HMGCLL1: variants seen among roughly 807,000 people sequenced by gnomAD.
The protein encoded by HMGCLL1 is 3-hydroxymethyl-3-methylglutaryl-CoA lyase, cytoplasmic.
Under a neutral mutation model 39.1 loss-of-function variants are expected in HMGCLL1, and 36 were observed. The ratio of observed to expected loss-of-function variants is 0.92; its 90% CI spans 0.71 to 1.22. HMGCLL1 has a LOEUF of 1.22. HMGCLL1 is among the 50% of genes most tolerant of loss of function. The probability of loss-of-function intolerance (pLI) is 0.00; values close to 1 mark genes in which losing one functional copy is unlikely to be tolerated. For synonymous variants in HMGCLL1, 149 were observed against 144.0 expected (o/e 1.03, Z -0.25); for missense variants, 451 against 416.5 (o/e 1.08, Z -0.72).
chr6:55,575,799 G>A (rs2127479102), intron 1 of HMGCLL1, among the ~76,000 whole-genome samples: 1 of 152,212 alleles, frequency 6.6e-6, no homozygotes, highest in South Asian at 2.1e-4. Context: ...TCATCGATTG[G>A]TGCTAAGATC....
chr6:55,459,710 T>C, intron 7 of HMGCLL1, among the ~76,000 whole-genome samples: 1 of 152,038 alleles, frequency 6.6e-6, no homozygotes. Flanking sequence ...ATGCAGTAAA[T>C]TGAGATGTAT....
the HMGCLL1 span, among the ~76,000 whole-genome samples, chr6:55,607,213 T>TA: frequency 2.6e-5 from 4 of 152,084 alleles, no homozygotes; most frequent in African/African-American, 9.7e-5. Flanking sequence ...TTTTTCCTGT[T>TA]AAAAAAAGTT....
At chr6:55,631,908 A>G in the HMGCLL1 span, among the ~76,000 whole-genome samples, 2 of 152,150 alleles carry the variant, frequency 1.3e-5, no homozygotes, top group African/African-American at 4.8e-5. Flanking sequence ...TAAAGGTAAA[A>G]GGCACAGCAC....
At chr6:55,462,342 C>T (rs1764607661) in intron 7 of HMGCLL1, among the ~76,000 whole-genome samples, 1 of 152,092 alleles carries the variant, frequency 6.6e-6, no homozygotes, top group African/African-American at 2.4e-5. Context: ...CCTATGCTCA[C>T]CATGTATGCT....
intron 3 of HMGCLL1, among the ~76,000 whole-genome samples, chr6:55,540,027 A>G (rs1457786329): frequency 5.0e-5 from 1 of 19,946 alleles, no homozygotes; most frequent in Non-Finnish European, 9.3e-5. Flanking sequence ...GGAGGGAGGG[A>G]GGGAGGGAGG....
chr6:55,525,878 C>T (rs1458719919), intron 3 of HMGCLL1, among the ~76,000 whole-genome samples: 1 of 151,832 alleles, frequency 6.6e-6, no homozygotes, highest in African/African-American at 2.4e-5. Flanking sequence ...CACATAGACC[C>T]TACAAAACAG....
Position 55,496,944 on chromosome 6 carries a change from T to C in HMGCLL1, c.607-1337A>G, listed in dbSNP as rs118047530. The stretch of plus-strand genomic sequence containing the variant: ...GAGTGTGGTGTCCCTAACCTCCAAA[T>C]TGTTCATGGATCAACTATATTAAGT... On this transcript the variant is annotated intron_variant, in intron 6 of 8. Coordinates refer to ENST00000274901, the MANE Select transcript of HMGCLL1 (RefSeq NM_001042406.2). Among the ~76,000 whole-genome samples, 55 of 152,298 alleles carry C rather than the reference T, an allele frequency of 3.6e-4. No homozygotes were observed. In the East Asian group the frequency reaches 5.4e-3, roughly 15 times the overall value.
Position 55,561,969 on chromosome 6 carries a change from A to G in HMGCLL1, c.108+16979T>C, listed in dbSNP as rs556441568. On this transcript the variant is annotated intron_variant, in intron 1 of 8. Coordinates refer to ENST00000274901, the MANE Select transcript of HMGCLL1 (RefSeq NM_001042406.2). ...AAATGTTCTCAAACAAGTCTATAAA[A>G]TTTCCTTACAAAATTCATAAGTCAT... is the stretch of plus-strand genomic sequence containing the variant. 2.0e-5 allele frequency among the ~76,000 whole-genome samples: 3 copies of G among 152,244 alleles called. No individual in the cohort carries two copies. In the South Asian group the frequency reaches 6.2e-4, roughly 32 times the overall value.
intron 3 of HMGCLL1, among the ~76,000 whole-genome samples, chr6:55,523,825 C>CA (rs1219456082): frequency 6.6e-6 from 1 of 151,854 alleles, no homozygotes; most frequent in Non-Finnish European, 1.5e-5. Context: ...CTAGTTTGTG[C>CA]AAAATTCTTC....
chr6:55,463,453 T>C (rs2127397978), intron 7 of HMGCLL1, among the ~76,000 whole-genome samples: 1 of 152,282 alleles, frequency 6.6e-6, no homozygotes, highest in East Asian at 1.9e-4. Flanking sequence ...TTTAAGTTAT[T>C]TACTCTTATG....
At chr6:55,651,317 G>A in the HMGCLL1 span, among the ~76,000 whole-genome samples, 130 of 152,174 alleles carry the variant, frequency 8.5e-4, no homozygotes, top group Middle Eastern at 3.4e-3. Context: ...GGTGGCCACA[G>A]GGTTTCTTTC....
At chr6:55,569,495 C>T (rs779668448) in intron 1 of HMGCLL1, among the ~76,000 whole-genome samples, 7 of 152,308 alleles carry the variant, frequency 4.6e-5, no homozygotes, top group Non-Finnish European at 8.8e-5. Flanking sequence ...GCAAAAATTG[C>T]AGGCTTTAGA....
intron 3 of HMGCLL1, among the ~76,000 whole-genome samples, chr6:55,529,617 G>A (rs889843201): frequency 6.6e-6 from 1 of 152,022 alleles, no homozygotes; most frequent in African/African-American, 2.4e-5. Context: ...AAAAAAACTG[G>A]CCAGAGTGCT....
intron 7 of HMGCLL1, among the ~76,000 whole-genome samples, chr6:55,465,664 A>C (rs999711495): frequency 6.6e-6 from 1 of 151,948 alleles, no homozygotes; most frequent in African/African-American, 2.4e-5. Flanking sequence ...ATTATAAGAC[A>C]GTGTTTAGTT....
chr6:55,634,951 C>T, the HMGCLL1 span, among the ~76,000 whole-genome samples: 4 of 152,164 alleles, frequency 2.6e-5, no homozygotes, highest in Admixed American at 2.6e-4. Context: ...TTGGTTAAGG[C>T]ACACTCATCT....
the HMGCLL1 span, among the ~76,000 whole-genome samples, chr6:55,674,911 T>G: frequency 2.6e-5 from 4 of 152,220 alleles, no homozygotes; most frequent in Middle Eastern, 3.4e-3. Flanking sequence ...GTTGGCATAA[T>G]GATCCCATGT....
the HMGCLL1 span, among the ~76,000 whole-genome samples, chr6:55,608,191 T>C: frequency 0.041 from 6,221 of 152,272 alleles, 153 homozygotes; most frequent in Non-Finnish European, 0.052. Flanking sequence ...CTGCTACTAC[T>C]TTTTCTGATC....
chr6:55,634,277 G>A, the HMGCLL1 span, among the ~76,000 whole-genome samples: 1 of 152,086 alleles, frequency 6.6e-6, no homozygotes, highest in South Asian at 2.1e-4. Context: ...AGGGGCATGG[G>A]GAGGAATGCT....
intron 8 of HMGCLL1, among the ~76,000 whole-genome samples, chr6:55,438,710 G>C (rs1158560146): frequency 6.6e-6 from 1 of 151,980 alleles, no homozygotes; most frequent in Non-Finnish European, 1.5e-5. Context: ...GAAAAAGGAG[G>C]AATAGGAGCA....
Sources: allele counts gnomAD v4.1 joint callset (sites outside exome capture counted in the v4.1 genomes callset), GRCh38; gene constraint gnomAD v4.1.1; transcripts MANE v1.5; gene names NCBI Gene and HGNC (gene_info 2026-07-23, HGNC 2026-07-21).